Variants in TRPC3 observed in about 807,000 individuals in gnomAD.
TRPC3 encodes transient receptor potential cation channel subfamily C member 3.
In TRPC3, 54 loss-of-function variants were observed where a neutral mutation model predicts 90.9. The ratio of observed to expected loss-of-function variants is 0.59; its 90% CI spans 0.48 to 0.75. The LOEUF is 0.75. Ranked by LOEUF, TRPC3 falls within the 30% of genes least tolerant of loss-of-function variation. The pLI, the probability that TRPC3 is intolerant of heterozygous loss-of-function variation, is 0.00. For synonymous variants in TRPC3, 424 were observed against 450.9 expected (o/e 0.94, Z 0.75); for missense variants, 918 against 1,194.5 (o/e 0.77, Z 3.41).
rs1560682100 is a variant in TRPC3 at position 121,882,349 on chromosome 4, C to T, written c.2623+5G>A. ...AAGGATATTTTTTAAGTTGGAGATG[C>T]TTACCTTCATTAACTTCATCATTTT... On this transcript the variant is annotated splice_donor_5th_base_variant and intron_variant, in intron 11 of 11. Coordinates refer to ENST00000379645, the MANE Select transcript of TRPC3 (RefSeq NM_001130698.2). 1 of 1,606,180 alleles carries T rather than the reference C, an allele frequency of 6.2e-7. No individual in the cohort carries two copies. The highest frequency in any genetic ancestry group is 1.1e-5 in the South Asian group (1 of 90,086).
intron 10 of TRPC3, among the ~76,000 whole-genome samples, chr4:121,889,022 A>G (rs1230583879): frequency 6.6e-6 from 1 of 152,230 alleles, no homozygotes; most frequent in Non-Finnish European, 1.5e-5. Context: ...GATTTTCAAC[A>G]AATGCACCAA....
At chr4:121,945,125 CCTT>C (rs1269923301) in intron 1 of TRPC3, among the ~76,000 whole-genome samples, 3 of 152,310 alleles carry the variant, frequency 2.0e-5, no homozygotes, top group African/African-American at 7.2e-5. Context: ...ATTCAGATGA[CCTT>C]CTTATCACAC....
intron 3 of TRPC3, among the ~76,000 whole-genome samples, chr4:121,916,318 C>A (rs1056618344): frequency 1.3e-5 from 2 of 152,202 alleles, no homozygotes; most frequent in African/African-American, 4.8e-5. Flanking sequence ...CCTTTGCCCC[C>A]AGAGTGCACC....
chr4:121,950,202 A>G (rs1578665620), intron 1 of TRPC3, among the ~76,000 whole-genome samples: 1 of 151,914 alleles, frequency 6.6e-6, no homozygotes, highest in Non-Finnish European at 1.5e-5. Flanking sequence ...TATGGGATCT[A>G]CTCCCAGCCA....
chr4:121,882,561 A>C, intron 10 of TRPC3, 132 bp from the exon 11 acceptor site: 2 of 623,620 alleles, frequency 3.2e-6, no homozygotes, highest in Non-Finnish European at 5.1e-6. Context: ...CTATGTATAG[A>C]AAAATTACGC....
chr4:121,944,890 C>G (rs1488604322), intron 1 of TRPC3, among the ~76,000 whole-genome samples: 4 of 152,176 alleles, frequency 2.6e-5, no homozygotes, highest in African/African-American at 7.2e-5. Flanking sequence ...TGCTTAACCA[C>G]AGGAGGCCAC....
rs963566792 is a variant in TRPC3 at position 121,877,263 on chromosome 4, G to A, written c.*2473C>T. ...GATTTGGATGTGGTGACTCATTAAG[G>A]GGATGCTCTCTGGAGAAAGGGAAGG... On this transcript the variant is annotated 3_prime_UTR_variant, in exon 12 of 12. Coordinates refer to ENST00000379645, the MANE Select transcript of TRPC3 (RefSeq NM_001130698.2). Among the ~76,000 whole-genome samples the A allele has an allele frequency of 4.6e-5, 7 of 152,190 alleles. No homozygotes were observed. The highest frequency in any genetic ancestry group is 8.8e-5 in the Non-Finnish European group (6 of 68,038).
chr4:121,930,257 C>T (rs1432740347), intron 2 of TRPC3, among the ~76,000 whole-genome samples: 2 of 152,164 alleles, frequency 1.3e-5, no homozygotes, highest in Non-Finnish European at 2.9e-5. Flanking sequence ...TATCTTGCTA[C>T]ACAAGCACTT....
chr4:121,904,964 G>A (rs1578618051), intron 7 of TRPC3, among the ~76,000 whole-genome samples: 1 of 152,250 alleles, frequency 6.6e-6, no homozygotes, highest in East Asian at 1.9e-4. Flanking sequence ...ATCATTTGCA[G>A]TAGGGAAGAA....
In TRPC3 at chr4:121,878,002, T is replaced by C. The variant is rs1331772896; in HGVS notation, c.*1734A>G. ...CAAAAACTTTTCACACTTGGAATCC[T>C]GGACCATACTATAAAACTATCAGAA... On this transcript the variant is annotated 3_prime_UTR_variant, in exon 12 of 12. Transcript: ENST00000379645. 1.3e-5 allele frequency among the ~76,000 whole-genome samples: 2 copies of C among 152,230 alleles called. No individual in the cohort carries two copies. The highest frequency in any genetic ancestry group is 1.9e-4 in the East Asian group (1 of 5,198).
intron 1 of TRPC3, among the ~76,000 whole-genome samples, chr4:121,939,785 C>A (rs921676141): frequency 1.3e-5 from 2 of 152,152 alleles, no homozygotes; most frequent in African/African-American, 4.8e-5. Flanking sequence ...GGGTTTCTAA[C>A]AAAAGAAAGT....
At chr4:121,942,288 A>G (rs1189789454) in intron 1 of TRPC3, among the ~76,000 whole-genome samples, 2 of 152,220 alleles carry the variant, frequency 1.3e-5, no homozygotes, top group East Asian at 1.9e-4. Context: ...TTGGCCAGGC[A>G]TGGTGGCTCA....
At chr4:121,901,460 C>T (rs1728695073) in intron 9 of TRPC3, among the ~76,000 whole-genome samples, 1 of 152,166 alleles carries the variant, frequency 6.6e-6, no homozygotes, top group Non-Finnish European at 1.5e-5. Flanking sequence ...CTGCACCTAC[C>T]CCACACTGGT....
chr4:121,938,498 T>C (rs1730203801), intron 1 of TRPC3, among the ~76,000 whole-genome samples: 1 of 152,218 alleles, frequency 6.6e-6, no homozygotes. Context: ...AGCTGGGTTG[T>C]TGTAACAGCT....
chr4:121,947,228 T>C (rs1187968487), intron 1 of TRPC3, among the ~76,000 whole-genome samples: 2 of 149,520 alleles, frequency 1.3e-5, no homozygotes, highest in Admixed American at 6.7e-5. Flanking sequence ...AGTCCTTAAG[T>C]CTAATGCCAT....
At position 121,879,025 on chromosome 4, in the gene TRPC3, T is replaced by C. The variant is rs953843401; in HGVS notation, c.*711A>G. The C allele has an allele frequency of 6.6e-6, 1 of 152,182 alleles. No individual in the cohort carries two copies. Among genetic ancestry groups the C allele is most frequent in the African/African-American group, 2.4e-5 (1 of 41,440 alleles). 9.4% of individuals were successfully genotyped at this position (152,182 alleles called of 1,614,324 possible). ...TAAGTCTAAGACAGAAAGCAAGCAG[T>C]CTATATTTTAGAAAAATCTTTAATG... On this transcript the variant is annotated 3_prime_UTR_variant, in exon 12 of 12. Coordinates refer to ENST00000379645, the MANE Select transcript of TRPC3 (RefSeq NM_001130698.2).
intron 10 of TRPC3, among the ~76,000 whole-genome samples, chr4:121,898,624 A>C (rs927522813): frequency 6.6e-6 from 1 of 152,196 alleles, no homozygotes; most frequent in Non-Finnish European, 1.5e-5. Context: ...ACCATAGTTA[A>C]CAATGATATA....
At chr4:121,919,146 T>G (rs1457921198) in intron 3 of TRPC3, among the ~76,000 whole-genome samples, 2 of 152,248 alleles carry the variant, frequency 1.3e-5, no homozygotes, top group Non-Finnish European at 2.9e-5. Context: ...ACTGAAATGT[T>G]TTTTCTTGCC....
At chr4:121,880,931 CA>C (rs1727919338) in intron 11 of TRPC3, among the ~76,000 whole-genome samples, 1 of 147,224 alleles carries the variant, frequency 6.8e-6, no homozygotes, top group South Asian at 2.2e-4. Context: ...GGAATACACA[CA>C]AAACATTTGA....
Sources: allele counts gnomAD v4.1 joint callset (sites outside exome capture counted in the v4.1 genomes callset), GRCh38; gene constraint gnomAD v4.1.1; transcripts MANE v1.5; gene names NCBI Gene and HGNC (gene_info 2026-07-23, HGNC 2026-07-21).